The following TRIM67 variants were observed in gnomAD, a reference collection of about 807,000 sequenced individuals.
The protein encoded by TRIM67 is tripartite motif containing 67, also known as tripartite motif-containing protein 67.
In TRIM67, 39 loss-of-function variants were observed where a neutral mutation model predicts 71.0. The ratio of observed to expected loss-of-function variants is 0.55; its 90% CI spans 0.43 to 0.72. TRIM67 has a LOEUF of 0.72. Ranked by LOEUF, TRIM67 falls within the 30% of genes least tolerant of loss-of-function variation. The probability of loss-of-function intolerance (pLI) is 0.00; values close to 1 mark genes in which losing one functional copy is unlikely to be tolerated. For missense variants in TRIM67, 973 were observed against 1,079.2 expected (o/e 0.90, Z 1.38); for synonymous variants, 481 against 473.9 (o/e 1.01, Z -0.19).
At chr1:231,187,340 C>G (rs76577070) in intron 1 of TRIM67, among the ~76,000 whole-genome samples, 1 of 152,140 alleles carries the variant, frequency 6.6e-6, no homozygotes, top group African/African-American at 2.4e-5. Flanking sequence ...GTGCCTCCCT[C>G]AGGTGGTGCT....
At chr1:231,181,888 T>C (rs1682916747) in intron 1 of TRIM67, among the ~76,000 whole-genome samples, 3 of 152,246 alleles carry the variant, frequency 2.0e-5, no homozygotes, top group Admixed American at 6.5e-5. Flanking sequence ...TTAAAATCTA[T>C]TTCTTCTGCT....
At chr1:231,169,678 C>T (rs185360256) in intron 1 of TRIM67, among the ~76,000 whole-genome samples, 13 of 152,088 alleles carry the variant, frequency 8.5e-5, no homozygotes, top group African/African-American at 1.9e-4. Context: ...CACACCCGCC[C>T]GAAGACTAAA....
At chr1:231,213,013 G>T (rs188454345) in intron 8 of TRIM67, among the ~76,000 whole-genome samples, 1 of 152,220 alleles carries the variant, frequency 6.6e-6, no homozygotes, top group Non-Finnish European at 1.5e-5. Flanking sequence ...TGCTTTTTGA[G>T]GGACCCTAGG....
intron 1 of TRIM67, among the ~76,000 whole-genome samples, chr1:231,191,864 A>G (rs1683239181): frequency 1.3e-5 from 2 of 152,144 alleles, no homozygotes; most frequent in South Asian, 4.1e-4. Flanking sequence ...AAATCAATTC[A>G]CTGACACAAA....
chr1:231,166,545 T>TTTGTTG (rs3830895), intron 1 of TRIM67, among the ~76,000 whole-genome samples: 107,819 of 151,282 alleles, frequency 0.71, 38,685 homozygotes, highest in African/African-American at 0.81. Flanking sequence ...GTCTCTGGAT[T>TTTGTTG]TTGTTGTTGT....
rs1221183781 is a variant in TRIM67, at chr1:231,197,358, A to G, written c.1045-13A>G. On this transcript the variant is annotated splice_polypyrimidine_tract_variant and intron_variant, in intron 1 of 9. Transcript: ENST00000366653. ...AACTAATTTTTCTTTTCAACATGTG[A>G]TATCTTTTTCAGGCACAACTATCTC... is the stretch of plus-strand genomic sequence containing the variant. 2 of 1,610,898 alleles carry G rather than the reference A, an allele frequency of 1.2e-6. No individual in the cohort carries two copies. The highest frequency in any genetic ancestry group is 1.7e-6 in the Non-Finnish European group (2 of 1,178,514).
chr1:231,167,161 A>G, intron 1 of TRIM67, among the ~76,000 whole-genome samples: 1 of 151,750 alleles, frequency 6.6e-6, no homozygotes, highest in Admixed American at 6.6e-5. Context: ...CTTCTTCTGG[A>G]GTTCTTTGAG....
At chr1:231,192,202 GTC>G (rs71774946) in intron 1 of TRIM67, among the ~76,000 whole-genome samples, 27,393 of 148,712 alleles carry the variant, frequency 0.18, 3,279 homozygotes, top group African/African-American at 0.35. Flanking sequence ...CACTCTCCCT[GTC>G]TCTCTCTCTC....
At position 231,194,629 on chromosome 1, in the gene TRIM67, A is replaced by G. The variant is rs189493914; in HGVS notation, c.1045-2742A>G. ...TCATTGGCTACAGATGACAACATAC[A>G]GGCTAACATTCCATGTGCAAGGCGA... On this transcript the variant is annotated intron_variant, in intron 1 of 9. Coordinates refer to ENST00000366653, the MANE Select transcript of TRIM67 (RefSeq NM_001004342.5). Among the ~76,000 whole-genome samples the G allele has an allele frequency of 5.4e-4, 82 of 152,330 alleles. 1 individual carries two copies. The highest frequency in any genetic ancestry group is 2.0e-3 in the African/African-American group (82 of 41,580).
chr1:231,179,935 T>C (rs189723707), intron 1 of TRIM67, among the ~76,000 whole-genome samples: 1 of 152,314 alleles, frequency 6.6e-6, no homozygotes, highest in East Asian at 1.9e-4. Flanking sequence ...GGAGAAGGGA[T>C]GGAGGAGAGA....
Position 231,163,905 on chromosome 1 carries a change from C to A in TRIM67, c.936C>A (p.Ser312Arg). The A allele has an allele frequency of 6.3e-7, 1 of 1,586,910 alleles. No homozygotes were observed. The highest frequency in any genetic ancestry group is 8.6e-7 in the Non-Finnish European group (1 of 1,167,234). ...CCGAGCATGAAATGGAGAACTACAG[C>A]ATGTACTGCGTGAGCTGTCGAACCC... Reference protein sequence around the residue: ...TCPEHEMENYSMYCVSCRTPV... With the variant: ...TCPEHEMENYRMYCVSCRTPV... Residue 312 changes from serine to arginine, a missense_variant, in exon 1 of 10, where the codon AGC becomes AGA. Ser to Arg is a moderately radical substitution (Grantham distance 110, BLOSUM62 -1). Transcript: ENST00000366653.
intron 1 of TRIM67, among the ~76,000 whole-genome samples, chr1:231,196,973 A>G (rs1683381975): frequency 6.6e-6 from 1 of 152,012 alleles, no homozygotes; most frequent in South Asian, 2.1e-4. Flanking sequence ...GATGGGGTGG[A>G]CGGAACCTGA....
At position 231,163,154 on chromosome 1, in the gene TRIM67, C is replaced by T. The variant is rs762427017; in HGVS notation, c.185C>T (p.Ala62Val). The stretch of plus-strand genomic sequence containing the variant: ...GGATCGGGGCTGCAGGCGGGCGCCG[C>T]CGCCGCTGCCTCTCTGGAGCACGAC... The part of the protein sequence containing the change: ...SRGSGLQAGA[A>V]AAASLEHDAA... The change falls in exon 1 of 10, where the codon GCC (alanine) becomes GTC (valine). Residue 62 changes from alanine to valine, a missense_variant. Physicochemically the swap from Ala to Val is moderately conservative, Grantham distance 64. Coordinates refer to ENST00000366653, the MANE Select transcript of TRIM67 (RefSeq NM_001004342.5). The T allele has an allele frequency of 2.0e-6, 3 of 1,508,402 alleles. No individual in the cohort carries two copies. The South Asian group carries it at 3.8e-5, about 19-fold the overall frequency. The allele number at this position is 1,508,402 out of a possible 1,614,324, so 93.4% of individuals were successfully genotyped here.
chr1:231,207,153 C>A (rs1208809153), intron 7 of TRIM67, among the ~76,000 whole-genome samples: 13 of 152,196 alleles, frequency 8.5e-5, no homozygotes, highest in Non-Finnish European at 1.5e-5. Context: ...AAGAAACATT[C>A]ATTTACCCCA....
chr1:231,206,463 G>A (rs1186674957), intron 6 of TRIM67, among the ~76,000 whole-genome samples, 189 bp from the exon 7 acceptor site: 2 of 152,070 alleles, frequency 1.3e-5, no homozygotes, highest in Non-Finnish European at 2.9e-5. Context: ...AACAAAAATT[G>A]TTTAGAAATG....
rs774713624 is a variant in TRIM67 at position 231,215,443 on chromosome 1, C to T, written c.*3C>T. The T allele has an allele frequency of 1.9e-6, 3 of 1,606,620 alleles. No individual in the cohort carries two copies. Among genetic ancestry groups the T allele is most frequent in the South Asian group, 2.2e-5 (2 of 89,852 alleles). On this transcript the variant is annotated 3_prime_UTR_variant, in exon 10 of 10. Transcript: ENST00000366653. ...GGCCAAAGCTGTCAGGCAATTAGCCCCGCTCCAGCTCGGCACTGTGCCTGT... is the reference window on the plus strand; with the variant it reads ...GGCCAAAGCTGTCAGGCAATTAGCCTCGCTCCAGCTCGGCACTGTGCCTGT...
At chr1:231,190,325 G>C (rs1007028891) in intron 1 of TRIM67, among the ~76,000 whole-genome samples, 4 of 152,148 alleles carry the variant, frequency 2.6e-5, no homozygotes, top group African/African-American at 9.7e-5. Context: ...TCAGCATCTG[G>C]AGAGCCCCAT....
rs767556892 is a variant in TRIM67, at chr1:231,206,737, A to G, written c.1766A>G (p.Asn589Ser). 2 of 1,611,140 alleles carry G rather than the reference A, an allele frequency of 1.2e-6. No individual in the cohort carries two copies. The highest frequency in any genetic ancestry group is 1.7e-5 in the Admixed American group (1 of 59,602). ...STYNARVKAF[N>S]SSGVGPYSKT... Reference sequence around the variant, plus strand: ...TACAACGCCCGAGTCAAAGCTTTCAACTCTTCTGGTGTCGGGCCTTACAGT... The same window carrying G: ...TACAACGCCCGAGTCAAAGCTTTCAGCTCTTCTGGTGTCGGGCCTTACAGT... Residue 589 changes from asparagine to serine, a missense_variant, in exon 7 of 10, where the codon AAC becomes AGC. Around this residue, in one of 2 missense-constraint regions of TRIM67, gnomAD observed 795 missense variants for 831.3 expected, o/e 0.96. Coordinates refer to ENST00000366653, the MANE Select transcript of TRIM67 (RefSeq NM_001004342.5).
rs147133277 is a variant in TRIM67 at position 231,213,585 on chromosome 1, G to A, written c.2124-230G>A. On this transcript the variant is annotated intron_variant, in intron 8 of 9. Coordinates refer to ENST00000366653, the MANE Select transcript of TRIM67 (RefSeq NM_001004342.5). ...TCTACAAAAAACACAAACAAAATTA[G>A]CTGGGTCTCATGTCATGCGCCTGTA... Among the ~76,000 whole-genome samples the A allele has an allele frequency of 1.9e-3, 294 of 152,164 alleles. 1 individual carries two copies. Among genetic ancestry groups the A allele is most frequent in the African/African-American group, 6.8e-3 (284 of 41,530 alleles).
Sources: allele counts gnomAD v4.1 joint callset (sites outside exome capture counted in the v4.1 genomes callset), GRCh38; gene constraint gnomAD v4.1.1; regional missense constraint gnomAD v4.1.1; transcripts MANE v1.5; gene names NCBI Gene and HGNC (gene_info 2026-07-23, HGNC 2026-07-21).